The following RPH3A variants were observed in gnomAD, a reference collection of about 807,000 sequenced individuals.
RPH3A encodes the protein rabphilin-3A.
A neutral mutation model predicts 102.2 loss-of-function variants in RPH3A; 48 were observed. That is an observed-to-expected ratio of 0.47 (90% CI 0.37 to 0.60). RPH3A has a LOEUF of 0.60. Ranked by LOEUF, RPH3A falls within the 20% of genes least tolerant of loss-of-function variation. The probability of loss-of-function intolerance (pLI) is 0.00; values close to 1 mark genes in which losing one functional copy is unlikely to be tolerated. For missense variants in RPH3A, 781 were observed against 910.1 expected, an observed-to-expected ratio of 0.86 and a Z score of 1.83; for synonymous variants, 310 against 324.3, an observed-to-expected ratio of 0.96 and a Z score of 0.47.
At chr12:112,738,914 C>T (rs2040688014) in intron 1 of RPH3A, among the ~76,000 whole-genome samples, 1 of 152,012 alleles carries the variant, frequency 6.6e-6, no homozygotes, top group South Asian at 2.1e-4. Context: ...TCTTTTTTCC[C>T]CTAATGAATA....
At chr12:112,817,410 T>A (rs746371424) in intron 2 of RPH3A, among the ~76,000 whole-genome samples, 53 of 152,022 alleles carry the variant, frequency 3.5e-4, no homozygotes, top group Admixed American at 1.8e-3. Context: ...AGCTCAGCCT[T>A]CAAGGTCCAG....
intron 1 of RPH3A, among the ~76,000 whole-genome samples, chr12:112,767,418 T>C (rs1469976689): frequency 6.6e-6 from 1 of 152,170 alleles, no homozygotes; most frequent in Non-Finnish European, 1.5e-5. Flanking sequence ...GGGAAGCAAG[T>C]GGATGCTGGC....
chr12:112,710,717 G>T (rs1199327997), intron 1 of RPH3A, among the ~76,000 whole-genome samples: 2 of 152,218 alleles, frequency 1.3e-5, no homozygotes, highest in African/African-American at 4.8e-5. Context: ...GATATGTAAA[G>T]AAGTCATTAT....
Position 112,791,902 on chromosome 12 carries a change from G to GAGAGAGAGAGAGAGAGAC in RPH3A, c.-247_-246insGAGAGAGAGAGAGACAGA, listed in dbSNP as rs1372107619. The GAGAGAGAGAGAGAGAGAC allele has an allele frequency of 3.3e-5, 5 of 150,994 alleles. No individual in the cohort carries two copies. Among genetic ancestry groups the GAGAGAGAGAGAGAGAGAC allele is most frequent in the African/African-American group, 9.8e-5 (4 of 40,688 alleles). The allele number at this position is 150,994 out of a possible 1,614,324, so 9.4% of individuals were successfully genotyped here. A position where few individuals can be genotyped will look rare whatever the true frequency, so the allele number is the denominator to read the frequency against. ...AGAGAGAGAGAGAGAGAGAGAGAGA[G>GAGAGAGAGAGAGAGAGAC]AGACTCACAGAGCTAAAACCTTCAT... On this transcript the variant is annotated 5_prime_UTR_variant, in exon 1 of 22. Coordinates refer to ENST00000389385, the MANE Select transcript of RPH3A (RefSeq NM_001143854.2).
intron 4 of RPH3A, among the ~76,000 whole-genome samples, chr12:112,838,897 C>G (rs775068004): frequency 6.6e-6 from 1 of 152,160 alleles, no homozygotes; most frequent in Non-Finnish European, 1.5e-5. Context: ...TCCACCAATG[C>G]TGGCCTTGGT....
intron 1 of RPH3A, among the ~76,000 whole-genome samples, chr12:112,640,272 C>T (rs138360192): frequency 0.032 from 4,354 of 135,008 alleles, 165 homozygotes; most frequent in Admixed American, 0.12. Context: ...TTGCAGTGAA[C>T]CGAGATAGCA....
intron 1 of RPH3A, among the ~76,000 whole-genome samples, chr12:112,666,405 T>C (rs112250973): frequency 8.5e-5 from 13 of 152,096 alleles, no homozygotes; most frequent in South Asian, 4.2e-4. Flanking sequence ...TCAATTCTCC[T>C]TGCTTTGGAA....
intron 1 of RPH3A, among the ~76,000 whole-genome samples, chr12:112,668,744 C>A (rs1021135342): frequency 1.3e-5 from 2 of 151,764 alleles, no homozygotes; most frequent in African/African-American, 4.8e-5. Flanking sequence ...TTAATAGGTG[C>A]AACAAACCAC....
intron 1 of RPH3A, among the ~76,000 whole-genome samples, chr12:112,762,450 T>G (rs1026504676): frequency 3.9e-5 from 6 of 152,216 alleles, no homozygotes; most frequent in African/African-American, 1.4e-4. Context: ...TGTGGTTCCC[T>G]GAATACACCA....
rs2043221215 is a variant in RPH3A, at chr12:112,898,419, T to C, written c.*1639T>C. The C allele has an allele frequency of 6.6e-6, 1 of 152,124 alleles. No homozygotes were observed. The highest frequency in any genetic ancestry group is 1.5e-5 in the Non-Finnish European group (1 of 68,036). The allele number at this position is 152,124 out of a possible 1,614,324, so 9.4% of individuals were successfully genotyped here. Reference sequence around the variant, plus strand: ...ATCAGACAGATACTCAAACTCTCACTTTCCCCAAATCACATCTCTTAACTT... The same window carrying C: ...ATCAGACAGATACTCAAACTCTCACCTTCCCCAAATCACATCTCTTAACTT... On this transcript the variant is annotated 3_prime_UTR_variant, in exon 22 of 22. Coordinates refer to ENST00000389385, the MANE Select transcript of RPH3A (RefSeq NM_001143854.2).
intron 5 of RPH3A, among the ~76,000 whole-genome samples, chr12:112,864,778 T>C (rs912084781): frequency 1.3e-5 from 2 of 152,242 alleles, no homozygotes; most frequent in Non-Finnish European, 2.9e-5. Flanking sequence ...CTGTTCACCC[T>C]CTACCCTTTC....
intron 1 of RPH3A, among the ~76,000 whole-genome samples, chr12:112,717,741 T>G (rs542172962): frequency 1.2e-3 from 171 of 148,222 alleles, no homozygotes; most frequent in African/African-American, 3.4e-3. Context: ...TTTTTTTTTT[T>G]GGGTAATACC....
chr12:112,658,976 A>G (rs1339734611), intron 1 of RPH3A, among the ~76,000 whole-genome samples: 2 of 152,212 alleles, frequency 1.3e-5, no homozygotes, highest in African/African-American at 4.8e-5. Flanking sequence ...CTTAACACTC[A>G]TATCTCATGT....
chr12:112,700,393 T>C (rs2040384945), intron 1 of RPH3A, among the ~76,000 whole-genome samples: 1 of 152,232 alleles, frequency 6.6e-6, no homozygotes, highest in Non-Finnish European at 1.5e-5. Context: ...AGAATTTTTG[T>C]CAGACCATCT....
intron 1 of RPH3A, among the ~76,000 whole-genome samples, chr12:112,764,278 G>T (rs2040873894): frequency 1.3e-5 from 2 of 152,204 alleles, no homozygotes; most frequent in South Asian, 2.1e-4. Flanking sequence ...CAGGCTCAGA[G>T]AATGGCCAAA....
intron 1 of RPH3A, among the ~76,000 whole-genome samples, chr12:112,786,289 C>T (rs776813317): frequency 1.5e-4 from 23 of 152,208 alleles, no homozygotes; most frequent in Non-Finnish European, 3.1e-4. Flanking sequence ...AGTGGGCTTC[C>T]CCACGACTGC....
intron 1 of RPH3A, among the ~76,000 whole-genome samples, chr12:112,698,896 C>G (rs1393461767): frequency 7.6e-6 from 1 of 132,428 alleles, no homozygotes; most frequent in Non-Finnish European, 1.6e-5. Context: ...GCTTCCCTTT[C>G]CCCTTCCTCC....
chr12:112,873,739 G>A (rs1450361020), intron 10 of RPH3A: 5 of 152,214 alleles, frequency 3.3e-5, no homozygotes, highest in African/African-American at 1.2e-4. Context: ...TACCATGCAT[G>A]GCATTGAGTT....
At chr12:112,797,986 G>A (rs929035481) in intron 2 of RPH3A, among the ~76,000 whole-genome samples, 1 of 152,196 alleles carries the variant, frequency 6.6e-6, no homozygotes, top group African/African-American at 2.4e-5. Flanking sequence ...ACTGCACCCA[G>A]CCAAAAGTGA....
Sources: allele counts gnomAD v4.1 joint callset (sites outside exome capture counted in the v4.1 genomes callset), GRCh38; gene constraint gnomAD v4.1.1; transcripts MANE v1.5; gene names NCBI Gene and HGNC (gene_info 2026-07-23, HGNC 2026-07-21).